Variants in ARHGEF11 observed in about 807,000 individuals in gnomAD.
ARHGEF11 encodes Rho guanine nucleotide exchange factor 11.
ARHGEF11 carries 55 observed loss-of-function variants against 193.7 expected under a neutral mutation model. The ratio of observed to expected loss-of-function variants is 0.28; its 90% CI spans 0.23 to 0.36. ARHGEF11 has a LOEUF of 0.36. Among genes scored for constraint, ARHGEF11 ranks in the 10% least tolerant of loss-of-function variants. ARHGEF11 has a pLI of 1.00. For synonymous variants in ARHGEF11, 693 were observed against 768.0 expected (o/e 0.90, Z 1.62); for missense variants, 1,723 against 2,005.6 (o/e 0.86, Z 2.69).
At chr1:156,942,655 C>A (rs1657272728) in intron 33 of ARHGEF11, 35 bp downstream of exon 33, 1 of 1,597,018 alleles carries the variant, frequency 6.3e-7, no homozygotes, top group East Asian at 2.2e-5. Context: ...CCGAAAGGGA[C>A]CACAGTTACG....
intron 3 of ARHGEF11, among the ~76,000 whole-genome samples, chr1:156,982,409 T>C (rs945624722): frequency 6.6e-6 from 1 of 152,220 alleles, no homozygotes; most frequent in Non-Finnish European, 1.5e-5. Flanking sequence ...ACACAGACTA[T>C]ACTTTGACAG....
At chr1:156,953,958 C>T (rs1349655055) in intron 21 of ARHGEF11, among the ~76,000 whole-genome samples, 1 of 152,164 alleles carries the variant, frequency 6.6e-6, no homozygotes, top group African/African-American at 2.4e-5. Context: ...AGGTGCTATA[C>T]TGAAGGGCTT....
rs1331173474 is a variant in ARHGEF11, at chr1:156,947,445, A to C, written c.2347T>G (p.Phe783Val). ...IDRQEVINEL[F>V]VTEASHLRTL... ...CGCAGGTGGGAAGCTTCAGTCACAAACAGCTCTGAGCGGTGGTTGTGACAA... is the reference window on the plus strand; with the variant it reads ...CGCAGGTGGGAAGCTTCAGTCACAACCAGCTCTGAGCGGTGGTTGTGACAA... The change falls in exon 26 of 41, where the codon TTT (phenylalanine) becomes GTT (valine). Residue 783 changes from phenylalanine to valine, a missense_variant. Physicochemically the swap from Phe to Val is conservative, Grantham distance 50. Coordinates refer to ENST00000368194, the MANE Select transcript of ARHGEF11 (RefSeq NM_198236.3). The C allele has an allele frequency of 6.2e-7, 1 of 1,604,678 alleles. No individual in the cohort carries two copies. Among genetic ancestry groups the C allele is most frequent in the Non-Finnish European group, 8.5e-7 (1 of 1,176,514 alleles).
At chr1:157,017,580 A>G (rs923837186) in intron 1 of ARHGEF11, among the ~76,000 whole-genome samples, 5 of 151,754 alleles carry the variant, frequency 3.3e-5, no homozygotes, top group Admixed American at 2.6e-4. Context: ...GGTGGCACGC[A>G]CCTGTAATCC....
intron 1 of ARHGEF11, among the ~76,000 whole-genome samples, chr1:157,009,856 A>G (rs1310707384): frequency 6.6e-6 from 1 of 151,922 alleles, no homozygotes; most frequent in African/African-American, 2.4e-5. Context: ...CTCCTCACAC[A>G]CTCGATTCAA....
intron 6 of ARHGEF11, 114 bp downstream of exon 6, chr1:156,978,090 T>A: frequency 6.9e-7 from 1 of 1,457,088 alleles, no homozygotes; most frequent in Non-Finnish European, 9.2e-7. Context: ...TCATATGTCT[T>A]TTGGCTTGTC....
At chr1:157,040,859 G>A (rs1460255332) in intron 1 of ARHGEF11, among the ~76,000 whole-genome samples, 1 of 152,210 alleles carries the variant, frequency 6.6e-6, no homozygotes, top group Non-Finnish European at 1.5e-5. Context: ...CAATAGGCTT[G>A]TGAGAGAGAT....
chr1:157,007,020 G>T (rs1305587638), intron 1 of ARHGEF11, among the ~76,000 whole-genome samples: 1 of 152,154 alleles, frequency 6.6e-6, no homozygotes, highest in African/African-American at 2.4e-5. Context: ...AGAGTTAGGG[G>T]GAGGCGGCAG....
chr1:156,978,196 AT>A lies in ARHGEF11; in HGVS notation c.510+7del. Reference sequence around the variant, plus strand: ...AGGGTGAGGAAAGAAAGCCAGGAGGATTATTACCTGCAGAGGTTTGGGTCCT... The same window carrying A: ...AGGGTGAGGAAAGAAAGCCAGGAGGATATTACCTGCAGAGGTTTGGGTCCT... On this transcript the variant is annotated splice_region_variant and intron_variant, in intron 6 of 40. Transcript: ENST00000368194. The A allele has an allele frequency of 6.2e-7, 1 of 1,614,120 alleles. No individual in the cohort carries two copies. Among genetic ancestry groups the A allele is most frequent in the Non-Finnish European group, 8.5e-7 (1 of 1,180,018 alleles).
At chr1:156,954,969 C>CA (rs1557852729) in intron 20 of ARHGEF11, 48 bp from the exon 21 acceptor site, 2 of 1,516,146 alleles carry the variant, frequency 1.3e-6, no homozygotes, top group Non-Finnish European at 1.8e-6. Context: ...AAAAGTCAAT[C>CA]AATGTTTTAA....
chr1:157,004,446 C>A (rs954867080), intron 1 of ARHGEF11, among the ~76,000 whole-genome samples: 1 of 152,170 alleles, frequency 6.6e-6, no homozygotes, highest in African/African-American at 2.4e-5. Flanking sequence ...CAATTACAGG[C>A]AAGCTCAAGG....
chr1:156,939,034 C>T (rs1656180913), intron 37 of ARHGEF11: 2 of 200,018 alleles, frequency 1.0e-5, no homozygotes, highest in South Asian at 9.5e-5. Context: ...TTGTTCACTC[C>T]CCACATCCCT....
Position 156,986,107 on chromosome 1 carries a change from C to G in ARHGEF11, c.99G>C (p.Gln33His). ...CTGTTGTCTCAGAGGCATCCGAAGG[C>G]TGGCGATGGTGGGAAGGGGACTTGC... Reference protein sequence around the residue: ...PERKSPSHHRQPSDASETTGL... With the variant: ...PERKSPSHHRHPSDASETTGL... Residue 33 changes from glutamine (Q) to histidine (H), a missense_variant, in exon 2 of 41, where the codon CAG (glutamine) becomes CAC (histidine). Physicochemically the swap from Gln to His is conservative, Grantham distance 24. This residue lies in a region of ARHGEF11 where 646 missense variants were observed against 710.7 expected (regional missense o/e 0.91). Transcript: ENST00000368194. 2 of 1,614,000 alleles carry G rather than the reference C, an allele frequency of 1.2e-6. No homozygotes were observed. The highest frequency in any genetic ancestry group is 1.7e-6 in the Non-Finnish European group (2 of 1,179,930).
At chr1:156,989,266 T>A (rs183767391) in intron 1 of ARHGEF11, among the ~76,000 whole-genome samples, 1 of 152,152 alleles carries the variant, frequency 6.6e-6, no homozygotes, top group Admixed American at 6.5e-5. Context: ...AGGTTCTTTA[T>A]AATCGTTTCC....
At chr1:156,983,473 C>T (rs1571354393) in intron 3 of ARHGEF11, among the ~76,000 whole-genome samples, 1 of 152,210 alleles carries the variant, frequency 6.6e-6, no homozygotes, top group African/African-American at 2.4e-5. Flanking sequence ...CCGCGAGCCT[C>T]GGCCTCCCAT....
At chr1:156,941,480 C>G (rs896078848) in intron 34 of ARHGEF11, 47 bp from the exon 35 acceptor site, 21 of 1,580,622 alleles carry the variant, frequency 1.3e-5, no homozygotes, top group Non-Finnish European at 1.7e-5. Flanking sequence ...AGATTCCACC[C>G]TGGACTCATG....
chr1:157,006,855 A>C (rs1294970690), intron 1 of ARHGEF11, among the ~76,000 whole-genome samples: 1 of 152,250 alleles, frequency 6.6e-6, no homozygotes, highest in East Asian at 1.9e-4. Context: ...GAAGGGCCCC[A>C]GTGAAGCACC....
At chr1:156,972,112 G>C (rs1359513787) in intron 7 of ARHGEF11, among the ~76,000 whole-genome samples, 6 of 152,162 alleles carry the variant, frequency 3.9e-5, no homozygotes. Context: ...TCCCAAATGA[G>C]GCCTTCTTCA....
chr1:156,997,313 T>C (rs115099094), intron 1 of ARHGEF11, among the ~76,000 whole-genome samples: 1,955 of 152,150 alleles, frequency 0.013, 38 homozygotes, highest in African/African-American at 0.044. Context: ...CTAGGGAGTA[T>C]GATGGAGGGA....
Sources: gnomAD v4.1 joint callset for allele counts (sites outside exome capture counted in the v4.1 genomes callset) on GRCh38, gnomAD v4.1.1 for gene constraint, gnomAD v4.1.1 regional missense constraint, MANE v1.5 for transcripts, NCBI Gene and HGNC (gene_info 2026-07-23, HGNC 2026-07-21) for gene names.